Variants in PTPRJ observed in about 807,000 individuals in gnomAD.
PTPRJ encodes the protein receptor-type tyrosine-protein phosphatase eta.
A neutral mutation model predicts 141.3 loss-of-function variants in PTPRJ; 129 were observed. The ratio of observed to expected loss-of-function variants is 0.91; its 90% CI spans 0.79 to 1.06. PTPRJ has a LOEUF of 1.06. Ranked by LOEUF, PTPRJ falls within the 50% of genes least tolerant of loss-of-function variation. The pLI, the probability that PTPRJ is intolerant of heterozygous loss-of-function variation, is 0.00. For synonymous variants in PTPRJ, 610 were observed against 640.5 expected, an observed-to-expected ratio of 0.95 and a Z score of 0.72; for missense variants, 1,601 against 1,679.7, an observed-to-expected ratio of 0.95 and a Z score of 0.82.
At chr11:48,144,478 T>C (rs1857305893) in intron 12 of PTPRJ, among the ~76,000 whole-genome samples, 197 bp from the exon 13 acceptor site, 1 of 152,210 alleles carries the variant, frequency 6.6e-6, no homozygotes, top group Non-Finnish European at 1.5e-5. Context: ...GCTTATGTGA[T>C]GGGATTCATG....
At chr11:48,003,472 TA>T (rs111264523) in intron 1 of PTPRJ, among the ~76,000 whole-genome samples, 9,074 of 148,906 alleles carry the variant, frequency 0.061, 295 homozygotes, top group Middle Eastern at 0.086. Flanking sequence ...GTATTATCAT[TA>T]AAAAAAAAAG....
At chr11:48,053,535 AATATT>A (rs1854663299) in intron 1 of PTPRJ, among the ~76,000 whole-genome samples, 1 of 132,196 alleles carries the variant, frequency 7.6e-6, no homozygotes, top group Non-Finnish European at 1.5e-5. Context: ...GGTCAAATAT[AATATT>A]ATATATTTTA....
At chr11:47,984,473 A>G (rs1382452918) in intron 1 of PTPRJ, among the ~76,000 whole-genome samples, 2 of 152,190 alleles carry the variant, frequency 1.3e-5, no homozygotes, top group Non-Finnish European at 2.9e-5. Context: ...ATTATGCATG[A>G]CAGGCACTGT....
chr11:48,034,053 G>C (rs1854060838), intron 1 of PTPRJ, among the ~76,000 whole-genome samples: 1 of 152,190 alleles, frequency 6.6e-6, no homozygotes, highest in African/African-American at 2.4e-5. Context: ...TTGCTGAGTG[G>C]AGTCCTTCTC....
At chr11:48,015,309 C>T (rs1431242647) in intron 1 of PTPRJ, among the ~76,000 whole-genome samples, 1 of 151,764 alleles carries the variant, frequency 6.6e-6, no homozygotes, top group East Asian at 1.9e-4. Flanking sequence ...GCGTGTGGCT[C>T]ATCATGTTTT....
At chr11:48,043,682 C>T (rs1315267346) in intron 1 of PTPRJ, among the ~76,000 whole-genome samples, 2 of 152,134 alleles carry the variant, frequency 1.3e-5, no homozygotes, top group African/African-American at 4.8e-5. Flanking sequence ...AAAGAGATAT[C>T]TCAAAATGTC....
At chr11:48,122,414 G>A (rs1391770033) in intron 4 of PTPRJ, among the ~76,000 whole-genome samples, 1 of 152,220 alleles carries the variant, frequency 6.6e-6, no homozygotes, top group African/African-American at 2.4e-5. Context: ...AAAGCCCTGA[G>A]CACAGGGCTG....
intron 1 of PTPRJ, among the ~76,000 whole-genome samples, chr11:48,006,269 G>A (rs1854618656): frequency 6.6e-6 from 1 of 152,140 alleles, no homozygotes; most frequent in South Asian, 2.1e-4. Context: ...TCTCAAGGGT[G>A]ATTCGGGAGG....
At chr11:48,072,617 A>G (rs887981295) in intron 1 of PTPRJ, among the ~76,000 whole-genome samples, 1 of 152,172 alleles carries the variant, frequency 6.6e-6, no homozygotes, top group African/African-American at 2.4e-5. Context: ...TATATATCTT[A>G]CCCATTTGGA....
At chr11:47,988,883 T>TC (rs1378514662) in intron 1 of PTPRJ, among the ~76,000 whole-genome samples, 5 of 129,748 alleles carry the variant, frequency 3.9e-5, no homozygotes, top group Non-Finnish European at 8.1e-5. Context: ...TATCTTGTTT[T>TC]TTTTTTTTTT....
chr11:48,027,667 C>T lies in PTPRJ; in HGVS notation c.96+46659C>T, dbSNP rs192180482. ...ATTAGCTGGGCATGGTGGCACATGC[C>T]TGTAGTTCCAGCTGCTCAGGAGGCT... is the stretch of plus-strand genomic sequence containing the variant. On this transcript the variant is annotated intron_variant, in intron 1 of 24. Transcript: ENST00000418331. Among the ~76,000 whole-genome samples, 12 of 151,744 alleles carry T rather than the reference C, an allele frequency of 7.9e-5. No homozygotes were observed. In the East Asian group the frequency reaches 2.1e-3, roughly 27 times the overall value.
chr11:48,012,121 G>A (rs1205490891), intron 1 of PTPRJ, among the ~76,000 whole-genome samples: 2 of 152,168 alleles, frequency 1.3e-5, no homozygotes, highest in Admixed American at 6.5e-5. Flanking sequence ...TGGGGGCATG[G>A]TGTGGGGGAC....
At chr11:48,125,274 G>A (rs1856807954) in intron 6 of PTPRJ, 88 bp downstream of exon 6, 1 of 1,428,340 alleles carries the variant, frequency 7.0e-7, no homozygotes, top group African/African-American at 1.4e-5. Context: ...GTGATTTCTT[G>A]CATAACAGCT....
intron 1 of PTPRJ, among the ~76,000 whole-genome samples, chr11:48,009,574 C>CA (rs1200962299): frequency 2.0e-5 from 3 of 151,950 alleles, no homozygotes; most frequent in Admixed American, 2.0e-4. Context: ...CCAGCCTGGG[C>CA]AATAGAGCGA....
intron 24 of PTPRJ, among the ~76,000 whole-genome samples, chr11:48,165,799 C>CT (rs1857902682): frequency 6.6e-6 from 1 of 151,784 alleles, no homozygotes; most frequent in Non-Finnish European, 1.5e-5. Flanking sequence ...AGTCTAATCT[C>CT]TTTTTTATAT....
chr11:48,153,056 G>A (rs1857521069), intron 18 of PTPRJ, among the ~76,000 whole-genome samples: 1 of 152,242 alleles, frequency 6.6e-6, no homozygotes, highest in Non-Finnish European at 1.5e-5. Flanking sequence ...CACGGGTTTG[G>A]TCTAGGTCCT....
At chr11:48,099,579 T>G (rs1856102534) in intron 1 of PTPRJ, among the ~76,000 whole-genome samples, 2 of 152,030 alleles carry the variant, frequency 1.3e-5, no homozygotes, top group Non-Finnish European at 2.9e-5. Flanking sequence ...AGCTGTCTCC[T>G]CCCGTCACTC....
chr11:48,101,270 A>C (rs1168503539), intron 1 of PTPRJ, among the ~76,000 whole-genome samples: 2 of 152,178 alleles, frequency 1.3e-5, no homozygotes, highest in African/African-American at 4.8e-5. Flanking sequence ...CCAGGCTTCA[A>C]ACTCAGGCCT....
chr11:48,073,766 C>T (rs1855326486), intron 1 of PTPRJ, among the ~76,000 whole-genome samples: 1 of 151,444 alleles, frequency 6.6e-6, no homozygotes, highest in South Asian at 2.1e-4. Flanking sequence ...TAAAAAATTT[C>T]TATGTATATG....
Sources: gnomAD v4.1 joint callset for allele counts (sites outside exome capture counted in the v4.1 genomes callset) on GRCh38, gnomAD v4.1.1 for gene constraint, MANE v1.5 for transcripts, NCBI Gene and HGNC (gene_info 2026-07-23, HGNC 2026-07-21) for gene names.